IARS1: variants seen among roughly 807,000 people sequenced by gnomAD.
IARS1 encodes the protein isoleucine--tRNA ligase, cytoplasmic.
In IARS1, 124 loss-of-function variants were observed where a neutral mutation model predicts 168.2. That is an observed-to-expected ratio of 0.74 (90% CI 0.64 to 0.86). The LOEUF is 0.86. IARS1 is among the 40% of genes least tolerant of loss of function. The pLI is 0.00. For missense variants in IARS1, 1,452 were observed against 1,515.8 expected, an observed-to-expected ratio of 0.96 and a Z score of 0.70; for synonymous variants, 532 against 529.4, an observed-to-expected ratio of 1.00 and a Z score of -0.07.
intron 26 of IARS1, among the ~76,000 whole-genome samples, chr9:92,245,687 A>T (rs1829082387): frequency 6.6e-6 from 1 of 152,108 alleles, no homozygotes; most frequent in Non-Finnish European, 1.5e-5. Flanking sequence ...CTGTGTTCTG[A>T]AGATGATCTT....
intron 33 of IARS1, among the ~76,000 whole-genome samples, chr9:92,219,824 T>C (rs1457612587): frequency 6.8e-6 from 1 of 146,034 alleles, no homozygotes; most frequent in Non-Finnish European, 1.5e-5. Context: ...TTGGTGGGAC[T>C]GTAAACTAGT....
At chr9:92,228,048 T>C (rs973209407) in intron 31 of IARS1, among the ~76,000 whole-genome samples, 2 of 152,080 alleles carry the variant, frequency 1.3e-5, no homozygotes, top group East Asian at 1.9e-4. Flanking sequence ...TGGGCACCAT[T>C]GAGCACTGAG....
At chr9:92,239,989 T>G (rs889708485) in intron 30 of IARS1, among the ~76,000 whole-genome samples, 1 of 152,196 alleles carries the variant, frequency 6.6e-6, no homozygotes, top group Non-Finnish European at 1.5e-5. Context: ...TGGTCTGTAC[T>G]TGACATTTCC....
At chr9:92,233,312 T>C (rs1476724702) in intron 30 of IARS1, among the ~76,000 whole-genome samples, 1 of 152,204 alleles carries the variant, frequency 6.6e-6, no homozygotes, top group Admixed American at 6.5e-5. Flanking sequence ...ATTGCAACAT[T>C]AGTATAATGA....
At chr9:92,268,566 T>A (rs1445237006) in intron 13 of IARS1, among the ~76,000 whole-genome samples, 1 of 152,208 alleles carries the variant, frequency 6.6e-6, no homozygotes, top group African/African-American at 2.4e-5. Flanking sequence ...AGCTGCCACA[T>A]ACCTCTAACC....
chr9:92,214,288 G>A (rs577198357), intron 33 of IARS1, among the ~76,000 whole-genome samples: 6 of 151,464 alleles, frequency 4.0e-5, no homozygotes, highest in Non-Finnish European at 7.4e-5. Context: ...GGGTGTGGTG[G>A]CTCACCCCCG....
chr9:92,269,347 T>G (rs757154992), intron 13 of IARS1, among the ~76,000 whole-genome samples: 1 of 152,192 alleles, frequency 6.6e-6, no homozygotes, highest in Non-Finnish European at 1.5e-5. Flanking sequence ...GTTCAAGCCT[T>G]GTTTCATTTT....
chr9:92,250,582 GTT>G (rs2133698438), intron 23 of IARS1, 129 bp downstream of exon 23: 1 of 1,035,454 alleles, frequency 9.7e-7, no homozygotes, highest in African/African-American at 1.6e-5. Context: ...AGCCTGAGGA[GTT>G]CATGTCAGCT....
chr9:92,285,341 C>T (rs1336135290), intron 6 of IARS1, among the ~76,000 whole-genome samples: 2 of 151,992 alleles, frequency 1.3e-5, no homozygotes, highest in African/African-American at 2.4e-5. Context: ...TTCCAAATAC[C>T]GTTAACAAAT....
rs1828293020 is a variant in IARS1 at position 92,240,887 on chromosome 9, A to T, written c.3252T>A (p.Asn1084Lys). The T allele has an allele frequency of 1.2e-6, 2 of 1,612,902 alleles. No individual in the cohort carries two copies. The highest frequency in any genetic ancestry group is 1.7e-6 in the Non-Finnish European group (2 of 1,178,908). Reference sequence around the variant, plus strand: ...CACTGCCATTTGCACAAATGTTAAGATTGACATATGCACAAGCAGGACCAG... The same window carrying T: ...CACTGCCATTTGCACAAATGTTAAGTTTGACATATGCACAAGCAGGACCAG... ...SLPGPACAYV[N>K]LNICANGSEQ... The change falls in exon 30 of 34, where the codon AAT (asparagine) becomes AAA (lysine). Residue 1084 changes from asparagine (N) to lysine (K), a missense_variant. By Grantham distance (94) the Asn-to-Lys change is moderately conservative. Coordinates refer to ENST00000443024, the MANE Select transcript of IARS1 (RefSeq NM_002161.6).
chr9:92,280,649 C>T, intron 7 of IARS1, 97 bp downstream of exon 7: 1 of 684,324 alleles, frequency 1.5e-6, no homozygotes, highest in Non-Finnish European at 2.3e-6. Flanking sequence ...TCAAATAATT[C>T]TATTCTTCAT....
intron 9 of IARS1, among the ~76,000 whole-genome samples, chr9:92,277,095 A>G (rs1286621905): frequency 2.6e-5 from 4 of 152,228 alleles, no homozygotes; most frequent in Non-Finnish European, 4.4e-5. Context: ...ACCCTGGGTG[A>G]TATGTAGACT....
intron 6 of IARS1, 42 bp from the exon 7 acceptor site, chr9:92,280,935 A>G (rs750777103): frequency 3.5e-6 from 5 of 1,441,890 alleles, no homozygotes; most frequent in East Asian, 2.3e-5. Flanking sequence ...GAAATCCACA[A>G]TAACAGACAC....
At chr9:92,249,368 A>G (rs1185392561) in intron 25 of IARS1, among the ~76,000 whole-genome samples, 2 of 152,188 alleles carry the variant, frequency 1.3e-5, no homozygotes, top group African/African-American at 4.8e-5. Flanking sequence ...CCTGGCCAAC[A>G]TGATGAAACC....
chr9:92,215,413 C>G (rs1003694237), intron 33 of IARS1, among the ~76,000 whole-genome samples: 1 of 152,234 alleles, frequency 6.6e-6, no homozygotes, highest in Non-Finnish European at 1.5e-5. Flanking sequence ...CGGAACAAAG[C>G]TGGATGGAGA....
At chr9:92,283,503 G>C (rs1415997575) in intron 6 of IARS1, among the ~76,000 whole-genome samples, 1 of 152,228 alleles carries the variant, frequency 6.6e-6, no homozygotes, top group East Asian at 1.9e-4. Flanking sequence ...ACTTAGCTGG[G>C]CATGCTGGCG....
intron 30 of IARS1, among the ~76,000 whole-genome samples, chr9:92,236,141 G>A (rs1348619763): frequency 6.6e-6 from 1 of 151,912 alleles, no homozygotes; most frequent in Non-Finnish European, 1.5e-5. Flanking sequence ...CCGCCACCAG[G>A]CTTGGCTAAT....
intron 18 of IARS1, among the ~76,000 whole-genome samples, chr9:92,259,362 G>T (rs1831198179): frequency 6.6e-6 from 1 of 152,134 alleles, no homozygotes; most frequent in Non-Finnish European, 1.5e-5. Flanking sequence ...ACCTGCATCT[G>T]CTGCTTGCAG....
At chr9:92,265,425 AG>A in intron 15 of IARS1, 54 bp downstream of exon 15, 1 of 1,451,258 alleles carries the variant, frequency 6.9e-7, no homozygotes, top group South Asian at 1.1e-5. Context: ...GCTAGAGACC[AG>A]GTCTTAATAG....
Sources: gnomAD v4.1 joint callset for allele counts (sites outside exome capture counted in the v4.1 genomes callset) on GRCh38, gnomAD v4.1.1 for gene constraint, MANE v1.5 for transcripts, NCBI Gene and HGNC (gene_info 2026-07-23, HGNC 2026-07-21) for gene names.